The following APPBP2 variants were observed in gnomAD, a reference collection of about 807,000 sequenced individuals.
APPBP2 encodes the protein amyloid beta precursor protein binding protein 2, also known as amyloid protein-binding protein 2.
A neutral mutation model predicts 76.0 loss-of-function variants in APPBP2; 15 were observed. That is an observed-to-expected ratio of 0.20 (90% CI 0.13 to 0.30). The LOEUF (loss-of-function observed/expected upper bound fraction) is 0.30, where lower values mean the gene tolerates loss of function less well. Among genes scored for constraint, APPBP2 ranks in the 10% least tolerant of loss-of-function variants. The pLI is 1.00. For missense variants in APPBP2, 401 were observed against 687.2 expected, an observed-to-expected ratio of 0.58 and a Z score of 4.66; for synonymous variants, 222 against 242.2, an observed-to-expected ratio of 0.92 and a Z score of 0.77.
At chr17:60,456,176 T>C (rs549338183) in intron 10 of APPBP2, 120 bp downstream of exon 10, 22 of 703,990 alleles carry the variant, frequency 3.1e-5, no homozygotes, top group African/African-American at 1.1e-4. Context: ...TAGTAATACA[T>C]AGACACCGTC....
At chr17:60,490,852 T>C (rs2090723327) in intron 3 of APPBP2, among the ~76,000 whole-genome samples, 2 of 152,206 alleles carry the variant, frequency 1.3e-5, no homozygotes, top group South Asian at 4.1e-4. Context: ...ATGTGCCTTT[T>C]ACCTTCCACC....
chr17:60,466,797 G>A (rs1401560437), intron 4 of APPBP2, among the ~76,000 whole-genome samples: 1 of 152,000 alleles, frequency 6.6e-6, no homozygotes, highest in Non-Finnish European at 1.5e-5. Flanking sequence ...TAAGAAACTT[G>A]GAAAATAATG....
In APPBP2 at chr17:60,469,665, T is replaced by C. The variant is rs118154769; in HGVS notation, c.504-3206A>G. Among the ~76,000 whole-genome samples, 1,214 of 152,342 alleles carry C rather than the reference T, an allele frequency of 8.0e-3. 8 individuals are homozygous for C. The highest frequency in any genetic ancestry group is 0.015 in the South Asian group (71 of 4,832). On this transcript the variant is annotated intron_variant, in intron 4 of 12. Transcript: ENST00000083182. ...TATTTGTCCTTTTGTGTCTAACTTA[T>C]TTCACTTAGGATAAAATTTTCAAGG... is the stretch of plus-strand genomic sequence containing the variant.
At chr17:60,449,834 G>A (rs1022838917) in intron 12 of APPBP2, among the ~76,000 whole-genome samples, 7 of 151,898 alleles carry the variant, frequency 4.6e-5, no homozygotes, top group Non-Finnish European at 1.0e-4. Flanking sequence ...GTCTTGCTCC[G>A]TCACACAGGC....
At chr17:60,525,101 A>G (rs1306175040) in intron 1 of APPBP2, among the ~76,000 whole-genome samples, 1 of 152,248 alleles carries the variant, frequency 6.6e-6, no homozygotes, top group Non-Finnish European at 1.5e-5. Context: ...ACACAGGAAC[A>G]TAATCTAAAG....
At chr17:60,471,540 T>C (rs2090552593) in intron 4 of APPBP2, among the ~76,000 whole-genome samples, 1 of 152,122 alleles carries the variant, frequency 6.6e-6, no homozygotes, top group Non-Finnish European at 1.5e-5. Context: ...GGTGTTAGAT[T>C]TTGCTAAATG....
At chr17:60,518,443 A>G (rs1196703933) in intron 1 of APPBP2, among the ~76,000 whole-genome samples, 2 of 138,888 alleles carry the variant, frequency 1.4e-5, no homozygotes, top group African/African-American at 5.9e-5. Context: ...GGCTTAAACA[A>G]TCTGCCTGCC....
intron 11 of APPBP2, 101 bp downstream of exon 11, chr17:60,454,201 T>C: frequency 4.6e-6 from 4 of 870,840 alleles, no homozygotes; most frequent in Non-Finnish European, 6.7e-6. Context: ...AATTCCTTTG[T>C]GCAATAAGTG....
chr17:60,502,055 T>G (rs2090827443), intron 1 of APPBP2, among the ~76,000 whole-genome samples: 1 of 152,174 alleles, frequency 6.6e-6, no homozygotes, highest in African/African-American at 2.4e-5. Flanking sequence ...TTATTTTTAT[T>G]TATTTATTTA....
rs1272045451 is a variant in APPBP2, at chr17:60,451,895, G to A, written c.1489C>T (p.Arg497Ter). 1 of 1,606,394 alleles carries A rather than the reference G, an allele frequency of 6.2e-7. No individual in the cohort carries two copies. Among genetic ancestry groups the A allele is most frequent in the Non-Finnish European group, 8.5e-7 (1 of 1,177,686 alleles). ...TGTAACATACCAATTGCTATAGATC[G>A]CAAATAAAGTTTCTCAGCATTTTCA... ...QYENAEKLYLRSIAIGKKLFG... is the reference protein window; with the variant it reads ...QYENAEKLYL Residue 497 changes from arginine (R) to a stop codon, truncating the protein, a stop_gained, in exon 12 of 13, where the codon CGA becomes TGA. Transcript: ENST00000083182. LOFTEE classifies it high-confidence loss of function.
At chr17:60,447,924 T>C in intron 12 of APPBP2, 90 bp from the exon 13 acceptor site, 1 of 1,251,090 alleles carries the variant, frequency 8.0e-7, no homozygotes, top group Non-Finnish European at 1.1e-6. Flanking sequence ...TTCAATTCTT[T>C]AAACAGGGTG....
rs146968316 is a variant in APPBP2 at position 60,518,503 on chromosome 17, C to CGTGTGTGTGTGT, written c.138+7279_138+7290dup. ...ACAGGCATGAGCTACCATGCCCAGC[C>CGTGTGTGTGTGT]GTGTGTGTGTGTGTGTGTGTGTGTG... is the stretch of plus-strand genomic sequence containing the variant. On this transcript the variant is annotated intron_variant, in intron 1 of 12. Coordinates refer to ENST00000083182, the MANE Select transcript of APPBP2 (RefSeq NM_006380.5). Among the ~76,000 whole-genome samples the CGTGTGTGTGTGT allele has an allele frequency of 8.6e-4, 116 of 134,206 alleles. 3 individuals carry two copies. Among genetic ancestry groups the CGTGTGTGTGTGT allele is most frequent in the African/African-American group, 3.2e-3 (101 of 31,538 alleles). 88.0% of individuals were successfully genotyped at this position (134,206 alleles called of 152,430 possible). A position where few individuals can be genotyped will look rare whatever the true frequency, so the allele number is the denominator to read the frequency against.
chr17:60,457,826 C>T (rs2090442875), intron 9 of APPBP2, among the ~76,000 whole-genome samples: 1 of 152,190 alleles, frequency 6.6e-6, no homozygotes, highest in African/African-American at 2.4e-5. Context: ...CCACACAATT[C>T]ACCCATTTAA....
intron 9 of APPBP2, among the ~76,000 whole-genome samples, chr17:60,458,700 T>C (rs927420994): frequency 2.0e-5 from 3 of 152,030 alleles, no homozygotes; most frequent in Admixed American, 2.0e-4. Context: ...GCCTAGTTCG[T>C]CAACCTATTT....
rs1403637459 is a variant in APPBP2, at chr17:60,464,085, A to G, written c.698T>C (p.Met233Thr). ...DEAYKWCIEA[M>T]KEITAGLPVK... The stretch of plus-strand genomic sequence containing the variant: ...TGGTAAGCCTGCTGTAATTTCTTTC[A>G]TTGCCTCGATGCACCATTTGTATGC... The change falls in exon 6 of 13, where the codon ATG becomes ACG. Residue 233 changes from methionine (M) to threonine (T), a missense_variant. Physicochemically the swap from Met to Thr is moderately conservative, Grantham distance 81. Around this residue, in one of 5 missense-constraint regions of APPBP2, gnomAD observed 64 missense variants for 72.9 expected, o/e 0.88. Coordinates refer to ENST00000083182, the MANE Select transcript of APPBP2 (RefSeq NM_006380.5). 6.2e-7 allele frequency: 1 copy of G among 1,612,082 alleles called. No homozygotes were observed. The highest frequency in any genetic ancestry group is 8.5e-7 in the Non-Finnish European group (1 of 1,179,226).
chr17:60,446,910 A>G lies in APPBP2; in HGVS notation c.*671T>C, dbSNP rs751133676. 1.3e-5 allele frequency: 2 copies of G among 152,112 alleles called. No homozygotes were observed. Among genetic ancestry groups the G allele is most frequent in the African/African-American group, 4.9e-5 (2 of 41,206 alleles). The allele number at this position is 152,112 out of a possible 1,614,324, so 9.4% of individuals were successfully genotyped here. ...AGCAAATGCTATCAGAGCATCTTGC[A>G]TTGTTGTACCAAAAAAAAAAAAGTC... On this transcript the variant is annotated 3_prime_UTR_variant, in exon 13 of 13. Transcript: ENST00000083182.
At chr17:60,480,472 G>A in intron 3 of APPBP2, among the ~76,000 whole-genome samples, 1 of 152,000 alleles carries the variant, frequency 6.6e-6, no homozygotes, top group Admixed American at 6.6e-5. Flanking sequence ...CAAAAAATAT[G>A]GTGTCTTAAT....
intron 3 of APPBP2, among the ~76,000 whole-genome samples, chr17:60,486,363 T>C (rs1461026106): frequency 6.6e-6 from 1 of 152,222 alleles, no homozygotes; most frequent in Non-Finnish European, 1.5e-5. Context: ...AGGACTTGCC[T>C]TATGAATCTG....
chr17:60,451,135 A>T (rs1264351865), intron 12 of APPBP2, among the ~76,000 whole-genome samples: 2 of 152,258 alleles, frequency 1.3e-5, no homozygotes, highest in African/African-American at 4.8e-5. Context: ...GCAACATCAC[A>T]GATTTCACCA....
Sources: gnomAD v4.1 joint callset for allele counts (sites outside exome capture counted in the v4.1 genomes callset) on GRCh38, gnomAD v4.1.1 for gene constraint, gnomAD v4.1.1 regional missense constraint, MANE v1.5 for transcripts, NCBI Gene and HGNC (gene_info 2026-07-23, HGNC 2026-07-21) for gene names.